The following PRKDC variants were observed in gnomAD, a reference collection of about 807,000 sequenced individuals.
PRKDC encodes DNA-dependent protein kinase catalytic subunit.
PRKDC carries 82 observed loss-of-function variants against 486.9 expected under a neutral mutation model. The ratio of observed to expected loss-of-function variants is 0.17; its 90% confidence interval spans 0.14 to 0.20. PRKDC has a LOEUF of 0.20. Ranked by LOEUF, PRKDC falls within the 10% of genes least tolerant of loss-of-function variation. PRKDC has a pLI of 1.00. For synonymous variants in PRKDC, 1,895 were observed against 1,837.0 expected, an observed-to-expected ratio of 1.03 and a Z score of -0.81; for missense variants, 4,504 against 5,038.2, an observed-to-expected ratio of 0.89 and a Z score of 3.21.
At chr8:47,886,863 A>AT (rs1210370010) in intron 35 of PRKDC, among the ~76,000 whole-genome samples, 5 of 151,580 alleles carry the variant, frequency 3.3e-5, no homozygotes, top group Non-Finnish European at 5.9e-5. Flanking sequence ...AATTTTTTAA[A>AT]TTTTTTTGTA....
intron 25 of PRKDC, among the ~76,000 whole-genome samples, chr8:47,905,541 G>GCAAATAA (rs547372086): frequency 5.0e-4 from 76 of 152,168 alleles, no homozygotes; most frequent in African/African-American, 1.8e-3. Flanking sequence ...ATTGTACAAA[G>GCAAATAA]CAAATAACAA....
chr8:47,907,437 C>A (rs1180068468), intron 25 of PRKDC, among the ~76,000 whole-genome samples: 1 of 150,208 alleles, frequency 6.7e-6, no homozygotes, highest in African/African-American at 2.4e-5. Flanking sequence ...CACACACACA[C>A]AATACAGACA....
chr8:47,858,240 G>C (rs1331926935), intron 48 of PRKDC, among the ~76,000 whole-genome samples: 1 of 150,028 alleles, frequency 6.7e-6, no homozygotes, highest in African/African-American at 2.5e-5. Flanking sequence ...GCAGCCGTAA[G>C]AAAGCAGCTA....
At chr8:47,887,442 G>T in intron 35 of PRKDC, 105 bp downstream of exon 35, 1 of 1,115,800 alleles carries the variant, frequency 9.0e-7, no homozygotes, top group Non-Finnish European at 1.2e-6. Flanking sequence ...TACTTGTCCA[G>T]CTAAAACCTT....
At chr8:47,849,339 G>C in intron 53 of PRKDC, 36 bp from the exon 54 acceptor site, 1 of 1,613,826 alleles carries the variant, frequency 6.2e-7, no homozygotes. Flanking sequence ...GGAGGGCCGA[G>C]GACCCTCCTG....
chr8:47,822,327 G>A (rs577644046), intron 64 of PRKDC, among the ~76,000 whole-genome samples: 1 of 150,860 alleles, frequency 6.6e-6, no homozygotes, highest in South Asian at 2.1e-4. Context: ...TAACTAGGAG[G>A]AAGCCATTTC....
intron 67 of PRKDC, 39 bp from the exon 68 acceptor site, chr8:47,817,600 A>C: frequency 3.2e-6 from 4 of 1,254,200 alleles, no homozygotes; most frequent in Non-Finnish European, 2.3e-6. Context: ...CACACAGCTC[A>C]ATTATAAGAT....
chr8:47,852,963 C>T (rs988300692), intron 51 of PRKDC, among the ~76,000 whole-genome samples, 179 bp from the exon 52 acceptor site: 3 of 152,158 alleles, frequency 2.0e-5, no homozygotes, highest in African/African-American at 7.2e-5. Context: ...TAAGGGTGCC[C>T]GATGTCATAA....
chr8:47,820,230 T>C (rs2087555501), intron 66 of PRKDC, among the ~76,000 whole-genome samples: 1 of 152,038 alleles, frequency 6.6e-6, no homozygotes, highest in Admixed American at 6.6e-5. Flanking sequence ...CTGGCCAACA[T>C]GGTTAAACCT....
chr8:47,943,845 A>T lies in PRKDC; in HGVS notation c.808+8T>A, dbSNP rs757864439. The T allele has an allele frequency of 1.9e-6, 3 of 1,576,680 alleles. No individual in the cohort carries two copies. The South Asian group carries it at 3.5e-5, about 18-fold the overall frequency. The stretch of plus-strand genomic sequence containing the variant: ...AAATATTATACCTCATTATAAACAG[A>T]ATCCTACCTGAGGGCACAGCATATC... On this transcript the variant is annotated splice_region_variant and intron_variant, in intron 9 of 85. Transcript: ENST00000314191.
chr8:47,945,465 C>CA (rs911583291), intron 7 of PRKDC, among the ~76,000 whole-genome samples: 3 of 152,214 alleles, frequency 2.0e-5, no homozygotes, highest in African/African-American at 7.2e-5. Context: ...GTGAATCTGA[C>CA]TACTCTAAGT....
At chr8:47,849,034 C>T in intron 54 of PRKDC, 120 bp downstream of exon 54, 1 of 1,302,870 alleles carries the variant, frequency 7.7e-7, no homozygotes, top group Admixed American at 2.4e-5. Flanking sequence ...TTCAGAGATT[C>T]CAACTTCACA....
At chr8:47,800,253 A>G (rs909750358) in intron 71 of PRKDC, among the ~76,000 whole-genome samples, 47 of 152,038 alleles carry the variant, frequency 3.1e-4, no homozygotes, top group African/African-American at 1.1e-3. Flanking sequence ...TGTGGCACAT[A>G]TACACCATGG....
chr8:47,914,044 T>A lies in PRKDC; in HGVS notation c.2638A>T (p.Met880Leu), dbSNP rs778352505. 2 of 1,554,360 alleles carry A rather than the reference T, an allele frequency of 1.3e-6. No individual in the cohort carries two copies. The highest frequency in any genetic ancestry group is 4.0e-5 in the Admixed American group (2 of 50,378). ...CTGTCCCAGGCCACATAGCTCTTCATCATCTCATCTGAGGACGTGACTGTT... is the reference window on the plus strand; with the variant it reads ...CTGTCCCAGGCCACATAGCTCTTCAACATCTCATCTGAGGACGTGACTGTT... The part of the protein sequence containing the change: ...LLTVTSSDEM[M>L]KSYVAWDREK... Residue 880 changes from methionine to leucine, a missense_variant, in exon 24 of 86, where the codon ATG (methionine) becomes TTG (leucine). Physicochemically the swap from Met to Leu is conservative, Grantham distance 15 (BLOSUM62 2). Transcript: ENST00000314191.
intron 28 of PRKDC, among the ~76,000 whole-genome samples, chr8:47,898,854 A>AC (rs1401897187): frequency 4.6e-5 from 7 of 152,222 alleles, no homozygotes; most frequent in Admixed American, 3.9e-4. Flanking sequence ...TAGAAACTGT[A>AC]CCACCAACAC....
At chr8:47,927,409 G>A in intron 20 of PRKDC, 56 bp from the exon 21 acceptor site, 3 of 1,519,228 alleles carry the variant, frequency 2.0e-6, no homozygotes, top group Middle Eastern at 3.5e-4. Flanking sequence ...AGATTTAGAG[G>A]AAAAAAACAC....
chr8:47,903,747 C>T (rs990158892), intron 26 of PRKDC, among the ~76,000 whole-genome samples: 2 of 152,062 alleles, frequency 1.3e-5, no homozygotes, highest in African/African-American at 4.8e-5. Context: ...CTTCAAGGAT[C>T]AAAAGGGAGA....
chr8:47,774,476 C>T, intron 85 of PRKDC, 99 bp from the exon 86 acceptor site: 1 of 1,119,676 alleles, frequency 8.9e-7, no homozygotes, highest in South Asian at 1.5e-5. Flanking sequence ...CCCACGTCAT[C>T]ACTCACAGAG....
chr8:47,951,566 A>T (rs2090625311), intron 7 of PRKDC, among the ~76,000 whole-genome samples: 1 of 151,722 alleles, frequency 6.6e-6, no homozygotes, highest in Admixed American at 6.6e-5. Flanking sequence ...TCTACAAAAC[A>T]TTTTTTAATA....
Sources: gnomAD v4.1 joint callset for allele counts (sites outside exome capture counted in the v4.1 genomes callset) on GRCh38, gnomAD v4.1.1 for gene constraint, MANE v1.5 for transcripts, NCBI Gene and HGNC (gene_info 2026-07-23, HGNC 2026-07-21) for gene names.